Variants in PLCB1 observed in about 807,000 individuals in gnomAD.
PLCB1 encodes 1-phosphatidylinositol 4,5-bisphosphate phosphodiesterase beta-1.
In PLCB1, 46 loss-of-function variants were observed where a neutral mutation model predicts 161.8. The ratio of observed to expected loss-of-function variants is 0.28; its 90% confidence interval spans 0.22 to 0.36. PLCB1 has a LOEUF of 0.36. Ranked by LOEUF, PLCB1 falls within the 10% of genes least tolerant of loss-of-function variation. The probability of loss-of-function intolerance (pLI) is 1.00; values close to 1 mark genes in which losing one functional copy is unlikely to be tolerated. For synonymous variants in PLCB1, 517 were observed against 503.7 expected, an observed-to-expected ratio of 1.03 and a Z score of -0.35; for missense variants, 1,016 against 1,472.5, an observed-to-expected ratio of 0.69 and a Z score of 5.07.
intron 2 of PLCB1, among the ~76,000 whole-genome samples, chr20:8,167,884 C>T (rs2051691514): frequency 6.6e-6 from 1 of 152,122 alleles, no homozygotes. Flanking sequence ...TCTGGGGGAT[C>T]ATTTTTCTGG....
intron 2 of PLCB1, among the ~76,000 whole-genome samples, chr20:8,334,301 C>T (rs1311751834): frequency 1.3e-5 from 2 of 152,130 alleles, no homozygotes; most frequent in South Asian, 2.1e-4. Context: ...TTAATAAGCC[C>T]CTGCAAGCTT....
intron 31 of PLCB1, among the ~76,000 whole-genome samples, chr20:8,826,160 C>G (rs867740979): frequency 1.7e-3 from 253 of 152,106 alleles, no homozygotes; most frequent in African/African-American, 5.7e-3. Flanking sequence ...GTGAGTCATA[C>G]ATAAAATGGA....
intron 3 of PLCB1, among the ~76,000 whole-genome samples, chr20:8,446,344 G>C (rs954435041): frequency 3.3e-5 from 5 of 152,130 alleles, no homozygotes; most frequent in African/African-American, 4.8e-5. Context: ...AAAGCCCTTT[G>C]ACACAATTCA....
At chr20:8,623,911 G>C (rs1346007393) in intron 3 of PLCB1, 1 of 152,168 alleles carries the variant, frequency 6.6e-6, no homozygotes, top group African/African-American at 2.4e-5. Flanking sequence ...AAGAAACCTT[G>C]AAAATGAGAG....
At chr20:8,381,690 G>T (rs1226481812) in intron 3 of PLCB1, among the ~76,000 whole-genome samples, 1 of 152,126 alleles carries the variant, frequency 6.6e-6, no homozygotes, top group Admixed American at 6.5e-5. Context: ...ATGTGTCCAG[G>T]AATTTATTCA....
chr20:8,850,917 A>C (rs1425623915), intron 31 of PLCB1, among the ~76,000 whole-genome samples: 1 of 152,214 alleles, frequency 6.6e-6, no homozygotes, highest in Non-Finnish European at 1.5e-5. Context: ...TCCTATTCCA[A>C]CCAAAATCTT....
At chr20:8,871,021 G>A (rs766662458) in intron 31 of PLCB1, among the ~76,000 whole-genome samples, 1 of 152,150 alleles carries the variant, frequency 6.6e-6, no homozygotes, top group African/African-American at 2.4e-5. Context: ...CAGATCTTCT[G>A]AATCAGAATT....
At chr20:8,279,555 A>G (rs1432072960) in intron 2 of PLCB1, among the ~76,000 whole-genome samples, 1 of 152,240 alleles carries the variant, frequency 6.6e-6, no homozygotes, top group Non-Finnish European at 1.5e-5. Flanking sequence ...TTGTGAGTCT[A>G]CTTAATGCCA....
intron 21 of PLCB1, among the ~76,000 whole-genome samples, chr20:8,739,749 C>T (rs943701255): frequency 2.6e-5 from 4 of 152,170 alleles, no homozygotes; most frequent in Non-Finnish European, 5.9e-5. Flanking sequence ...GTTGCTTCTA[C>T]AATATGGACT....
chr20:8,548,076 C>CCCTCCCTTCCTCCCTTTCTT (rs758214794), intron 3 of PLCB1, among the ~76,000 whole-genome samples: 4 of 151,798 alleles, frequency 2.6e-5, no homozygotes, highest in African/African-American at 9.7e-5. Flanking sequence ...CTACCTTCCT[C>CCCTCCCTTCCTCCCTTTCTT]CCTCCCTTCC....
intron 2 of PLCB1, among the ~76,000 whole-genome samples, chr20:8,328,395 T>C (rs1184023887): frequency 2.0e-5 from 3 of 152,118 alleles, no homozygotes; most frequent in Non-Finnish European, 2.9e-5. Flanking sequence ...GTTGCTGGTA[T>C]CTGCAGCCAG....
intron 3 of PLCB1, among the ~76,000 whole-genome samples, chr20:8,460,909 A>C (rs1034580460): frequency 1.2e-4 from 19 of 152,242 alleles, no homozygotes; most frequent in African/African-American, 3.9e-4. Flanking sequence ...TTTGAGTGGC[A>C]AGTCTCCAAA....
At chr20:8,625,453 G>C (rs1252746863) in intron 3 of PLCB1, 1 of 152,070 alleles carries the variant, frequency 6.6e-6, no homozygotes, top group Admixed American at 6.5e-5. Context: ...CATAATCAAG[G>C]TTAGTGTTGA....
intron 14 of PLCB1, among the ~76,000 whole-genome samples, chr20:8,719,378 T>A (rs1312806387): frequency 6.6e-6 from 1 of 152,150 alleles, no homozygotes; most frequent in Non-Finnish European, 1.5e-5. Flanking sequence ...AAAGCAGAGG[T>A]ATTCAGAATA....
chr20:8,152,002 A>C (rs191521182), intron 2 of PLCB1, among the ~76,000 whole-genome samples: 1 of 152,120 alleles, frequency 6.6e-6, no homozygotes, highest in Non-Finnish European at 1.5e-5. Flanking sequence ...ACCCATGCTT[A>C]TTTTCAAAGG....
intron 3 of PLCB1, among the ~76,000 whole-genome samples, chr20:8,379,183 T>G (rs1297996207): frequency 6.6e-6 from 1 of 152,038 alleles, no homozygotes; most frequent in Non-Finnish European, 1.5e-5. Flanking sequence ...CTCCCACTTA[T>G]GAGTGAGAAC....
chr20:8,475,284 A>C (rs1169966595), intron 3 of PLCB1, among the ~76,000 whole-genome samples: 1 of 152,082 alleles, frequency 6.6e-6, no homozygotes, highest in Admixed American at 6.6e-5. Flanking sequence ...GACATAATGA[A>C]GATCAGGAGA....
At chr20:8,758,178 G>A (rs1332667114) in intron 24 of PLCB1, among the ~76,000 whole-genome samples, 2 of 149,906 alleles carry the variant, frequency 1.3e-5, no homozygotes, top group Non-Finnish European at 3.0e-5. Context: ...AGATCAGGGT[G>A]CCAGTAGATC....
chr20:8,142,656 G>A (rs756153870), intron 1 of PLCB1, among the ~76,000 whole-genome samples: 7 of 152,262 alleles, frequency 4.6e-5, no homozygotes, highest in East Asian at 1.9e-4. Context: ...ATTCAGAAGC[G>A]TTGGGAGTGA....
Sources: allele counts gnomAD v4.1 joint callset (sites outside exome capture counted in the v4.1 genomes callset), GRCh38; gene constraint gnomAD v4.1.1; transcripts MANE v1.5; gene names NCBI Gene and HGNC (gene_info 2026-07-23, HGNC 2026-07-21).